The following CFAP418 variants were observed in gnomAD, a reference collection of about 807,000 sequenced individuals.
CFAP418 encodes cilia and flagella associated protein 418.
A neutral mutation model predicts 24.7 loss-of-function variants in CFAP418; 27 were observed. That is an observed-to-expected ratio of 1.09 (90% CI 0.81 to 1.51). CFAP418 has a LOEUF of 1.51. CFAP418 is among the 40% of genes most tolerant of loss of function. The pLI, the probability that CFAP418 is intolerant of heterozygous loss-of-function variation, is 0.00. For synonymous variants in CFAP418, 74 were observed against 87.3 expected (o/e 0.85, Z 0.85); for missense variants, 257 against 255.2 (o/e 1.01, Z -0.05).
chr8:95,260,169 G>A (rs535918853), intron 3 of CFAP418, among the ~76,000 whole-genome samples: 3 of 152,302 alleles, frequency 2.0e-5, no homozygotes, highest in Admixed American at 2.0e-4. Context: ...TAATGTAAGG[G>A]ACAAAGTAAA....
At chr8:95,253,324 A>G (rs1007435944) in intron 4 of CFAP418, among the ~76,000 whole-genome samples, 9 of 152,112 alleles carry the variant, frequency 5.9e-5, no homozygotes, top group African/African-American at 2.2e-4. Flanking sequence ...AAAAAAGAAC[A>G]TGGAGCAAAA....
At chr8:95,247,912 G>GAGCCATGATTGTGCCACC in intron 5 of CFAP418, 142 bp from the exon 6 acceptor site, 1 of 855,690 alleles carries the variant, frequency 1.2e-6, no homozygotes, top group Non-Finnish European at 1.7e-6. Context: ...GGATTGCGGT[G>GAGCCATGATTGTGCCACC]GCACAATCAT....
chr8:95,262,647 G>A (rs918708256), intron 2 of CFAP418, among the ~76,000 whole-genome samples: 1 of 152,104 alleles, frequency 6.6e-6, no homozygotes, highest in African/African-American at 2.4e-5. Flanking sequence ...AAAATGTTAA[G>A]TGATAAAGTC....
At position 95,247,826 on chromosome 8, in the gene CFAP418, T is replaced by TAA. The variant is rs35181539; in HGVS notation, c.471-58_471-57dup. On this transcript the variant is annotated intron_variant, in intron 5 of 5. Coordinates refer to ENST00000286688, the MANE Select transcript of CFAP418 (RefSeq NM_177965.4). The stretch of plus-strand genomic sequence containing the variant: ...GTGGCTTTGTTCAGTGCTTAATGAT[T>TAA]AAAAAAAAAAAAAAAGGTCATTGCT... 0.061 allele frequency: 67,142 copies of TAA among 1,101,044 alleles called. 541 individuals are homozygous for TAA. Among genetic ancestry groups the TAA allele is most frequent in the Non-Finnish European group, 0.068 (55,991 of 822,540 alleles). The allele number at this position is 1,101,044 out of a possible 1,614,324, so 68.2% of individuals were successfully genotyped here. A position where few individuals can be genotyped will look rare whatever the true frequency, so the allele number is the denominator to read the frequency against.
chr8:95,252,838 T>C (rs1264972818), intron 4 of CFAP418, among the ~76,000 whole-genome samples: 1 of 152,260 alleles, frequency 6.6e-6, no homozygotes, highest in Non-Finnish European at 1.5e-5. Context: ...TCTGTCTTCA[T>C]AGAGCTTTGA....
chr8:95,268,901 G>A (rs1444211562), intron 1 of CFAP418, 134 bp downstream of exon 1: 3 of 948,280 alleles, frequency 3.2e-6, no homozygotes, highest in Non-Finnish European at 4.8e-6. Flanking sequence ...GTAGGGCGCT[G>A]AGGGTCTGAA....
At chr8:95,264,934 A>C in intron 1 of CFAP418, among the ~76,000 whole-genome samples, 1 of 152,168 alleles carries the variant, frequency 6.6e-6, no homozygotes, top group East Asian at 1.9e-4. Context: ...TTGCTTCTTC[A>C]AAGAGACACT....
Position 95,252,291 on chromosome 8 carries a change from G to A in CFAP418, c.375-8C>T. On this transcript the variant is annotated splice_region_variant and splice_polypyrimidine_tract_variant and intron_variant, in intron 4 of 5. Coordinates refer to ENST00000286688, the MANE Select transcript of CFAP418 (RefSeq NM_177965.4). ...CGCAGATGGTCACATGCTCTGTTCA[G>A]AGAAAAAAAATTGTATATTAAAGAT... 1.3e-6 allele frequency: 2 copies of A among 1,592,524 alleles called. No individual in the cohort carries two copies. Among genetic ancestry groups the A allele is most frequent in the East Asian group, 2.2e-5 (1 of 44,620 alleles).
Position 95,269,143 on chromosome 8 carries a change from AACTTGGACTCG to A in CFAP418, c.36_46del (p.Glu13LeufsTer4). 6.2e-7 allele frequency: 1 copy of A among 1,614,120 alleles called. No individual in the cohort carries two copies. Among genetic ancestry groups the A allele is most frequent in the Non-Finnish European group, 8.5e-7 (1 of 1,180,006 alleles). ...CCGTCTTAGAAGGTCAGGTGTGCAA[AACTTGGACTCG>A]ACTTCATCCAAGAGCTCGTCCAGGT... On this transcript the variant is annotated frameshift_variant, in exon 1 of 6. Transcript: ENST00000286688. LOFTEE classifies it high-confidence loss of function.
At chr8:95,260,593 C>T (rs558880970) in intron 2 of CFAP418, 61 bp from the exon 3 acceptor site, 2 of 906,074 alleles carry the variant, frequency 2.2e-6, no homozygotes, top group South Asian at 3.4e-5. Context: ...AACATGAAAA[C>T]TAATATTCCT....
chr8:95,268,976 A>G, intron 1 of CFAP418, 59 bp downstream of exon 1: 2 of 1,534,540 alleles, frequency 1.3e-6, no homozygotes, highest in South Asian at 1.2e-5. Context: ...GCGGAGGGGC[A>G]GCTCTAGGGC....
At chr8:95,268,896 G>A (rs1185582421) in intron 1 of CFAP418, 139 bp downstream of exon 1, 25 of 892,676 alleles carry the variant, frequency 2.8e-5, no homozygotes, top group South Asian at 1.3e-4. Flanking sequence ...GGAGGGTAGG[G>A]CGCTGAGGGT....
chr8:95,247,436 GT>G lies in CFAP418; in HGVS notation c.*180del. On this transcript the variant is annotated 3_prime_UTR_variant, in exon 6 of 6. Transcript: ENST00000286688. ...CATGTATCAGGAATAATTCCAAAGTGTTATAATACATGATCTTCCTTAGTCC... is the reference window on the plus strand; with the variant it reads ...CATGTATCAGGAATAATTCCAAAGTGTATAATACATGATCTTCCTTAGTCC... 2 of 629,262 alleles carry G rather than the reference GT, an allele frequency of 3.2e-6. No individual in the cohort carries two copies. The highest frequency in any genetic ancestry group is 5.4e-6 in the Non-Finnish European group (2 of 367,022). The allele number at this position is 629,262 out of a possible 1,614,324, so 39.0% of individuals were successfully genotyped here.
intron 2 of CFAP418, among the ~76,000 whole-genome samples, chr8:95,262,914 C>A (rs1811916853): frequency 6.6e-6 from 1 of 152,158 alleles, no homozygotes; most frequent in Non-Finnish European, 1.5e-5. Context: ...TGAGCACAAT[C>A]TAAATGTCCA....
chr8:95,260,499 C>T lies in CFAP418; in HGVS notation c.277G>A (p.Val93Ile). 1 of 1,589,594 alleles carries T rather than the reference C, an allele frequency of 6.3e-7. No individual in the cohort carries two copies. The highest frequency in any genetic ancestry group is 1.2e-5 in the South Asian group (1 of 85,824). ...LKSKSSGNTS[V>I]RASIEGLGKS... ...CCAAGGCCTTCAATGGAAGCTCTGACAGATGTGTTACCTGAAGATTTAGAT... is the reference window on the plus strand; with the variant it reads ...CCAAGGCCTTCAATGGAAGCTCTGATAGATGTGTTACCTGAAGATTTAGAT... The change falls in exon 3 of 6, where the codon GTC becomes ATC. Residue 93 changes from valine to isoleucine, a missense_variant. By Grantham distance (29) the Val-to-Ile change is conservative (BLOSUM62 3). Coordinates refer to ENST00000286688, the MANE Select transcript of CFAP418 (RefSeq NM_177965.4).
intron 3 of CFAP418, 97 bp from the exon 4 acceptor site, chr8:95,260,002 T>A: frequency 1.1e-6 from 1 of 870,782 alleles, no homozygotes. Flanking sequence ...TTTATTGACT[T>A]TATGTTCTTG....
In CFAP418 at chr8:95,252,727, G is replaced by A. The variant is rs1811728062; in HGVS notation, c.375-444C>T. Among the ~76,000 whole-genome samples the A allele has an allele frequency of 3.9e-5, 6 of 152,192 alleles. No individual in the cohort carries two copies. In the South Asian group the frequency reaches 1.0e-3, roughly 26 times the overall value. ...TGTTTTTCAGATAAGCTGCTTAAGC[G>A]CTGGGAAAAGATTGTATTTGTTTGC... On this transcript the variant is annotated intron_variant, in intron 4 of 5. Coordinates refer to ENST00000286688, the MANE Select transcript of CFAP418 (RefSeq NM_177965.4).
At chr8:95,257,456 T>C (rs941771725) in intron 4 of CFAP418, among the ~76,000 whole-genome samples, 1 of 152,228 alleles carries the variant, frequency 6.6e-6, no homozygotes, top group Non-Finnish European at 1.5e-5. Context: ...CCCTACCTTC[T>C]GGGCATTGTC....
intron 1 of CFAP418, among the ~76,000 whole-genome samples, chr8:95,267,823 C>T (rs1305344032): frequency 6.6e-6 from 1 of 151,516 alleles, no homozygotes; most frequent in Non-Finnish European, 1.5e-5. Context: ...AGGCAATTTC[C>T]AAAAGATTCT....
Sources: allele counts gnomAD v4.1 joint callset (sites outside exome capture counted in the v4.1 genomes callset), GRCh38; gene constraint gnomAD v4.1.1; transcripts MANE v1.5; gene names NCBI Gene and HGNC (gene_info 2026-07-23, HGNC 2026-07-21).